The following ERI1 variants were observed in gnomAD, a reference collection of about 807,000 sequenced individuals.
ERI1 encodes the protein exoribonuclease 1.
Under a neutral mutation model 39.7 loss-of-function variants are expected in ERI1, and 39 were observed. The observed-to-expected ratio is 0.98, with a 90% CI of 0.76 to 1.28. The LOEUF is 1.28. Among genes scored for constraint, ERI1 ranks in the 50% most tolerant of loss-of-function variants. The pLI is 0.00. For missense variants in ERI1, 581 were observed against 416.9 expected, an observed-to-expected ratio of 1.39 and a Z score of -3.43; for synonymous variants, 204 against 149.6, an observed-to-expected ratio of 1.36 and a Z score of -2.65.
chr8:9,058,512 G>A (rs1289138002), intron 3 of ERI1, among the ~76,000 whole-genome samples: 1 of 152,156 alleles, frequency 6.6e-6, no homozygotes, highest in Middle Eastern at 3.2e-3. Context: ...TGACATTGTG[G>A]CATTTGGTCC....
intron 3 of ERI1, among the ~76,000 whole-genome samples, chr8:9,014,314 C>G (rs551311631): frequency 1.3e-5 from 2 of 152,190 alleles, no homozygotes; most frequent in Non-Finnish European, 2.9e-5. Flanking sequence ...CCCTCCCTCC[C>G]GTTTTTCCTT....
chr8:9,080,260 C>G (rs941458909), intron 3 of ERI1, among the ~76,000 whole-genome samples: 1 of 152,158 alleles, frequency 6.6e-6, no homozygotes, highest in Non-Finnish European at 1.5e-5. Flanking sequence ...ACTTGCATTC[C>G]TCAGATCAAA....
chr8:9,020,306 A>G, intron 5 of ERI1, 44 bp from the exon 6 acceptor site: 6 of 1,043,616 alleles, frequency 5.7e-6, no homozygotes, highest in Admixed American at 2.4e-5. Flanking sequence ...TAAGAATAGC[A>G]TAGCGTTTAT....
chr8:9,096,756 C>T (rs1189459002), intron 3 of ERI1: 3 of 119,940 alleles, frequency 2.5e-5, no homozygotes, highest in Admixed American at 1.2e-4. Context: ...GGATCTCACT[C>T]TGTCACCCAG....
chr8:9,074,760 A>G (rs1381556453), intron 3 of ERI1, among the ~76,000 whole-genome samples: 3 of 152,194 alleles, frequency 2.0e-5, no homozygotes, highest in African/African-American at 4.8e-5. Context: ...TTGTGCCTGC[A>G]TTTATATGGG....
chr8:9,030,154 T>C lies in ERI1; in HGVS notation c.*120T>C, dbSNP rs1242192351. 3 of 1,295,552 alleles carry C rather than the reference T, an allele frequency of 2.3e-6. No homozygotes were observed. In the African/African-American group the frequency reaches 4.4e-5, roughly 19 times the overall value. The allele number at this position is 1,295,552 out of a possible 1,614,324, so 80.3% of individuals were successfully genotyped here. A position where few individuals can be genotyped will look rare whatever the true frequency, so the allele number is the denominator to read the frequency against. On this transcript the variant is annotated 3_prime_UTR_variant, in exon 7 of 7. Transcript: ENST00000250263. ...CACCTTAAAACATTTAAAATCTTAT[T>C]ACAGGTGATAGAGATAGATACATGT...
At chr8:9,012,962 C>T (rs1028809224) in intron 3 of ERI1, among the ~76,000 whole-genome samples, 2 of 152,082 alleles carry the variant, frequency 1.3e-5, no homozygotes, top group African/African-American at 2.4e-5. Flanking sequence ...CCACTAAAAT[C>T]ACTCATCAAC....
rs2117300037 is a variant in ERI1 at position 9,029,657 on chromosome 8, TG to T, written c.808-130del. ...GAATTTTTTATTTGCCTTATTTGAG[TG>T]GGGGTATTGCCCTTTGCCTAGCTTT... is the stretch of plus-strand genomic sequence containing the variant. On this transcript the variant is annotated intron_variant, in intron 6 of 6. Coordinates refer to ENST00000250263, the MANE Select transcript of ERI1 (RefSeq NM_153332.4). 8.6e-6 allele frequency: 9 copies of T among 1,041,384 alleles called. No homozygotes were observed. The South Asian group carries it at 1.4e-4, about 17-fold the overall frequency. 64.5% of individuals were successfully genotyped at this position (1,041,384 alleles called of 1,614,324 possible). A position where few individuals can be genotyped will look rare whatever the true frequency, so the allele number is the denominator to read the frequency against.
In ERI1 at chr8:9,031,403, C is replaced by G. The variant is rs979733187; in HGVS notation, c.*1369C>G. 1.3e-5 allele frequency: 2 copies of G among 152,134 alleles called. No individual in the cohort carries two copies. The highest frequency in any genetic ancestry group is 6.5e-5 in the Admixed American group (1 of 15,276). 9.4% of individuals were successfully genotyped at this position (152,134 alleles called of 1,614,324 possible). On this transcript the variant is annotated 3_prime_UTR_variant, in exon 7 of 7. Transcript: ENST00000250263. ...ATCATAAAGAATAATGTGTAAATAA[C>G]AGAAGGCATATGAGAGTGTGGTGTT... is the stretch of plus-strand genomic sequence containing the variant.
Position 9,029,999 on chromosome 8 carries a change from A to C in ERI1, c.1015A>C (p.Thr339Pro), listed in dbSNP as rs771949650. ...GTCCTCTTCCTTACCAATAGAGGGCACTCCACCACCACAAATGCCACATTT... is the reference window on the plus strand; with the variant it reads ...GTCCTCTTCCTTACCAATAGAGGGCCCTCCACCACCACAAATGCCACATTT... ...SVSSSLPIEG[T>P]PPPQMPHFRK Residue 339 changes from threonine (T) to proline (P), a missense_variant, in exon 7 of 7, where the codon ACT becomes CCT. Transcript: ENST00000250263. 6.2e-7 allele frequency: 1 copy of C among 1,611,716 alleles called. No individual in the cohort carries two copies.
intron 3 of ERI1, among the ~76,000 whole-genome samples, chr8:9,084,200 T>A (rs1799457199): frequency 6.6e-6 from 1 of 152,112 alleles, no homozygotes; most frequent in South Asian, 2.1e-4. Flanking sequence ...AGTCGGAGGT[T>A]GCAGCAGTGA....
intron 3 of ERI1, among the ~76,000 whole-genome samples, chr8:9,069,044 C>T (rs1434325939): frequency 6.6e-6 from 1 of 152,188 alleles, no homozygotes; most frequent in African/African-American, 2.4e-5. Context: ...GTCTCGAACT[C>T]CTGGGCTCAA....
At chr8:9,025,805 T>G (rs919788718) in intron 6 of ERI1, among the ~76,000 whole-genome samples, 2 of 149,438 alleles carry the variant, frequency 1.3e-5, no homozygotes, top group Admixed American at 1.3e-4. Context: ...AGATTTGGGG[T>G]TTTTTTCAGA....
At chr8:9,062,619 C>CCGGGCG (rs1563365786) in intron 3 of ERI1, 7 of 103,076 alleles carry the variant, frequency 6.8e-5, no homozygotes, top group South Asian at 4.1e-4. Flanking sequence ...AGGGGACGGA[C>CCGGGCG]TTAACCTCCA....
intron 3 of ERI1, among the ~76,000 whole-genome samples, chr8:9,079,005 G>A (rs536589725): frequency 2.0e-5 from 3 of 152,162 alleles, no homozygotes; most frequent in Admixed American, 6.5e-5. Context: ...GCTCTAAGGG[G>A]TGTTGTCTTA....
At chr8:9,021,940 G>C (rs182096738) in intron 6 of ERI1, among the ~76,000 whole-genome samples, 131 of 151,978 alleles carry the variant, frequency 8.6e-4, no homozygotes, top group African/African-American at 3.0e-3. Flanking sequence ...GGGCTTCCAT[G>C]AAGAGTACTT....
At chr8:9,020,865 C>T (rs1380475879) in intron 6 of ERI1, among the ~76,000 whole-genome samples, 2 of 152,190 alleles carry the variant, frequency 1.3e-5, no homozygotes, top group African/African-American at 4.8e-5. Context: ...TTCACCAGAA[C>T]TGGTTCCTGT....
At position 9,030,027 on chromosome 8, in the gene ERI1, G is replaced by T; in HGVS notation, c.1043G>T (p.Arg348Ile). The change falls in exon 7 of 7, where the codon AGA becomes ATA. Residue 348 changes from arginine to isoleucine, a missense_variant. Coordinates refer to ENST00000250263, the MANE Select transcript of ERI1 (RefSeq NM_153332.4). The stretch of plus-strand genomic sequence containing the variant: ...CCACCACCACAAATGCCACATTTTA[G>T]AAAGTAACAACAGTTTTGTGTGTGG... ...GTPPPQMPHFRK is the reference protein window; with the variant it reads ...GTPPPQMPHFIK 3.2e-6 allele frequency: 5 copies of T among 1,584,866 alleles called. No homozygotes were observed. The highest frequency in any genetic ancestry group is 4.3e-6 in the Non-Finnish European group (5 of 1,165,946).
intron 3 of ERI1, among the ~76,000 whole-genome samples, chr8:9,014,980 C>T (rs538535100): frequency 2.3e-4 from 35 of 151,986 alleles, no homozygotes; most frequent in Non-Finnish European, 4.3e-4. Context: ...TGGAACTATA[C>T]GTGCATGCCA....
Sources: gnomAD v4.1 joint callset for allele counts (sites outside exome capture counted in the v4.1 genomes callset) on GRCh38, gnomAD v4.1.1 for gene constraint, MANE v1.5 for transcripts, NCBI Gene and HGNC (gene_info 2026-07-23, HGNC 2026-07-21) for gene names.